The following SLC9A9 variants were observed in gnomAD, a reference collection of about 807,000 sequenced individuals.
SLC9A9 encodes the protein sodium/hydrogen exchanger 9.
SLC9A9 carries 62 observed loss-of-function variants against 77.8 expected under a neutral mutation model. The observed-to-expected ratio is 0.80, with a 90% CI of 0.65 to 0.98. The LOEUF (loss-of-function observed/expected upper bound fraction) is 0.98, where lower values mean the gene tolerates loss of function less well. Ranked by LOEUF, SLC9A9 falls within the 50% of genes least tolerant of loss-of-function variation. The probability of loss-of-function intolerance (pLI) is 0.00; values close to 1 mark genes in which losing one functional copy is unlikely to be tolerated. For synonymous variants in SLC9A9, 320 were observed against 283.5 expected (o/e 1.13, Z -1.29); for missense variants, 775 against 774.9 (o/e 1.00, Z 0.00).
At chr3:143,361,634 G>T (rs146037708) in intron 14 of SLC9A9, among the ~76,000 whole-genome samples, 2,345 of 152,292 alleles carry the variant, frequency 0.015, 21 homozygotes, top group African/African-American at 0.018. Flanking sequence ...CGGCAGCATA[G>T]CAATTTCTAG....
At chr3:143,315,453 A>G (rs1441802337) in intron 14 of SLC9A9, among the ~76,000 whole-genome samples, 1 of 152,190 alleles carries the variant, frequency 6.6e-6, no homozygotes, top group Non-Finnish European at 1.5e-5. Flanking sequence ...ATGTACTACT[A>G]TGTGGCATGA....
intron 4 of SLC9A9, among the ~76,000 whole-genome samples, chr3:143,781,794 T>G (rs16854291): frequency 0.24 from 36,929 of 152,200 alleles, 5,161 homozygotes; most frequent in African/African-American, 0.39. Context: ...ATGATTCTGT[T>G]GATAATGTAG....
chr3:143,398,552 A>G (rs532604702), intron 12 of SLC9A9, among the ~76,000 whole-genome samples: 1 of 152,314 alleles, frequency 6.6e-6, no homozygotes, highest in African/African-American at 2.4e-5. Context: ...TTATTGTAAC[A>G]CCATGTATTT....
At chr3:143,716,083 C>T (rs78819121) in intron 4 of SLC9A9, among the ~76,000 whole-genome samples, 5,228 of 152,200 alleles carry the variant, frequency 0.034, 292 homozygotes, top group African/African-American at 0.12. Flanking sequence ...GACTCAAATG[C>T]CATTTTTTTG....
chr3:143,408,056 T>C (rs1291637465), intron 12 of SLC9A9, among the ~76,000 whole-genome samples: 6 of 152,202 alleles, frequency 3.9e-5, no homozygotes, highest in Admixed American at 3.9e-4. Context: ...CTGACTTTTT[T>C]TCTTTGAACA....
rs1054979382 is a variant in SLC9A9, at chr3:143,587,319, G to A, written c.756-8596C>T. Among the ~76,000 whole-genome samples the A allele has an allele frequency of 4.6e-5, 7 of 152,166 alleles. No individual in the cohort carries two copies. In the South Asian group the frequency reaches 1.2e-3, roughly 27 times the overall value. On this transcript the variant is annotated intron_variant, in intron 6 of 15. Coordinates refer to ENST00000316549, the MANE Select transcript of SLC9A9 (RefSeq NM_173653.4). ...AGAAGAAAACATAATAAATAGCTAA[G>A]CAAATAAATGTGTAATTCAATGACA...
intron 13 of SLC9A9, among the ~76,000 whole-genome samples, chr3:143,371,193 A>G (rs1484377375): frequency 6.6e-6 from 1 of 152,184 alleles, no homozygotes; most frequent in Non-Finnish European, 1.5e-5. Flanking sequence ...TTGAGAAATA[A>G]ATGGAGAGAT....
chr3:143,705,046 GAT>G (rs1396126976), intron 4 of SLC9A9, among the ~76,000 whole-genome samples: 4 of 38,736 alleles, frequency 1.0e-4, no homozygotes, highest in Admixed American at 3.9e-4. Flanking sequence ...TATCTATATA[GAT>G]ATAGATATAG....
At chr3:143,450,683 A>C (rs1331812959) in intron 12 of SLC9A9, among the ~76,000 whole-genome samples, 2 of 152,208 alleles carry the variant, frequency 1.3e-5, no homozygotes, top group African/African-American at 2.4e-5. Context: ...GAAATGACAA[A>C]AGTGCTATAC....
intron 6 of SLC9A9, chr3:143,627,224 T>C (rs1310951116): frequency 6.5e-6 from 1 of 153,446 alleles, no homozygotes; most frequent in Non-Finnish European, 1.5e-5. Flanking sequence ...TTGAAGGCTA[T>C]TGCACGTGTT....
chr3:143,593,418 C>G lies in SLC9A9; in HGVS notation c.756-14695G>C, dbSNP rs76985895. ...CCCCAGGTGGAACCAAGGGTATATACAAAAGGTAGAATTTAATAATTATAT... is the reference window on the plus strand; with the variant it reads ...CCCCAGGTGGAACCAAGGGTATATAGAAAAGGTAGAATTTAATAATTATAT... On this transcript the variant is annotated intron_variant, in intron 6 of 15. Coordinates refer to ENST00000316549, the MANE Select transcript of SLC9A9 (RefSeq NM_173653.4). 6.3e-3 allele frequency among the ~76,000 whole-genome samples: 959 copies of G among 152,298 alleles called. 12 individuals carry two copies. Among genetic ancestry groups the G allele is most frequent in the African/African-American group, 0.022 (911 of 41,546 alleles).
chr3:143,717,051 C>G (rs1934374993), intron 4 of SLC9A9, among the ~76,000 whole-genome samples: 2 of 152,170 alleles, frequency 1.3e-5, no homozygotes, highest in South Asian at 4.1e-4. Context: ...AAAAAGACTT[C>G]CCTGAGAGCC....
chr3:143,465,538 T>G (rs535237913), intron 12 of SLC9A9, among the ~76,000 whole-genome samples: 1 of 152,226 alleles, frequency 6.6e-6, no homozygotes, highest in Non-Finnish European at 1.5e-5. Context: ...AATCCTGACA[T>G]CACTACTTTA....
intron 14 of SLC9A9, among the ~76,000 whole-genome samples, chr3:143,350,062 C>G (rs530928414): frequency 1.3e-4 from 20 of 152,140 alleles, no homozygotes; most frequent in Non-Finnish European, 2.2e-4. Flanking sequence ...CATATTGTCT[C>G]CCCACAAGAG....
At chr3:143,760,106 TA>T (rs1193952709) in intron 4 of SLC9A9, among the ~76,000 whole-genome samples, 1 of 152,162 alleles carries the variant, frequency 6.6e-6, no homozygotes, top group Non-Finnish European at 1.5e-5. Context: ...GAGAATATAG[TA>T]AACATTGGCT....
chr3:143,754,150 C>T (rs1447140362), intron 4 of SLC9A9, among the ~76,000 whole-genome samples: 1 of 152,132 alleles, frequency 6.6e-6, no homozygotes, highest in Non-Finnish European at 1.5e-5. Flanking sequence ...TGATTAACCA[C>T]CTGATTCCAC....
At chr3:143,652,464 C>T (rs947964632) in intron 5 of SLC9A9, 104 bp from the exon 6 acceptor site, 1 of 842,802 alleles carries the variant, frequency 1.2e-6, no homozygotes. Context: ...CTCATCTTCT[C>T]AAATCCAATG....
chr3:143,489,658 GA>G (rs1434067462), intron 11 of SLC9A9, among the ~76,000 whole-genome samples: 2 of 151,556 alleles, frequency 1.3e-5, no homozygotes, highest in Admixed American at 6.6e-5. Flanking sequence ...GGCAACAAAA[GA>G]AAAAATAGAC....
intron 5 of SLC9A9, among the ~76,000 whole-genome samples, chr3:143,692,284 G>A (rs956062): frequency 0.43 from 65,605 of 151,864 alleles, 14,344 homozygotes; most frequent in South Asian, 0.6. Context: ...CTTGATTTGT[G>A]CAAACTGCTA....
Sources: gnomAD v4.1 joint callset for allele counts (sites outside exome capture counted in the v4.1 genomes callset) on GRCh38, gnomAD v4.1.1 for gene constraint, MANE v1.5 for transcripts, NCBI Gene and HGNC (gene_info 2026-07-23, HGNC 2026-07-21) for gene names.